The following CDH13 variants were observed in gnomAD, a reference collection of about 807,000 sequenced individuals.
The protein encoded by CDH13 is cadherin-13.
In CDH13, 24 loss-of-function variants were observed where a neutral mutation model predicts 63.8. The ratio of observed to expected loss-of-function variants is 0.38; its 90% confidence interval spans 0.27 to 0.53. The LOEUF (loss-of-function observed/expected upper bound fraction) is 0.53. Ranked by LOEUF, CDH13 falls within the 20% of genes least tolerant of loss-of-function variation. The pLI is 0.85. For missense variants in CDH13, 1,049 were observed against 903.1 expected, an observed-to-expected ratio of 1.16 and a Z score of -2.07; for synonymous variants, 503 against 355.3, an observed-to-expected ratio of 1.42 and a Z score of -4.67.
At chr16:83,333,612 C>G (rs1482487285) in intron 5 of CDH13, among the ~76,000 whole-genome samples, 1 of 152,154 alleles carries the variant, frequency 6.6e-6, no homozygotes, top group African/African-American at 2.4e-5. Context: ...AGTATTTCTA[C>G]TTGCTGGGAA....
intron 10 of CDH13, among the ~76,000 whole-genome samples, chr16:83,712,102 C>G (rs1273761831): frequency 1.3e-5 from 2 of 152,114 alleles, no homozygotes; most frequent in Non-Finnish European, 2.9e-5. Flanking sequence ...TGACTAGGGC[C>G]CACTATAGTG....
At chr16:83,381,846 A>T (rs1043845673) in intron 6 of CDH13, among the ~76,000 whole-genome samples, 1 of 152,154 alleles carries the variant, frequency 6.6e-6, no homozygotes, top group Non-Finnish European at 1.5e-5. Context: ...AAGTCTAACA[A>T]GTTGCTCCTT....
At chr16:83,283,052 G>A (rs1402905720) in intron 5 of CDH13, among the ~76,000 whole-genome samples, 1 of 152,184 alleles carries the variant, frequency 6.6e-6, no homozygotes, top group African/African-American at 2.4e-5. Context: ...GTATTTAGAA[G>A]AAGAAAAGTT....
chr16:83,653,280 T>C (rs1912561544), intron 8 of CDH13, among the ~76,000 whole-genome samples: 1 of 152,180 alleles, frequency 6.6e-6, no homozygotes, highest in African/African-American at 2.4e-5. Context: ...TATGTACAAT[T>C]TAAATTGATG....
intron 7 of CDH13, among the ~76,000 whole-genome samples, chr16:83,566,058 G>A (rs1904277723): frequency 6.6e-6 from 1 of 152,184 alleles, no homozygotes; most frequent in South Asian, 2.1e-4. Flanking sequence ...ACAGAACTGT[G>A]TTCATCCGTC....
At chr16:83,303,317 C>T (rs375955189) in intron 5 of CDH13, among the ~76,000 whole-genome samples, 2 of 152,278 alleles carry the variant, frequency 1.3e-5, no homozygotes, top group South Asian at 2.1e-4. Flanking sequence ...AGGATGATCA[C>T]GCAATAACCC....
At chr16:83,451,066 G>A (rs193103410) in intron 6 of CDH13, among the ~76,000 whole-genome samples, 579 of 152,274 alleles carry the variant, frequency 3.8e-3, no homozygotes, top group Non-Finnish European at 4.3e-3. Flanking sequence ...GATGCTGCTG[G>A]TCTGGGGACC....
chr16:83,307,880 G>A (rs2089915079), intron 5 of CDH13, among the ~76,000 whole-genome samples: 1 of 152,158 alleles, frequency 6.6e-6, no homozygotes, highest in South Asian at 2.1e-4. Flanking sequence ...GAATATGGCA[G>A]CACTTCCATG....
At chr16:83,456,487 G>C (rs1489019250) in intron 6 of CDH13, among the ~76,000 whole-genome samples, 1 of 152,182 alleles carries the variant, frequency 6.6e-6, no homozygotes, top group African/African-American at 2.4e-5. Flanking sequence ...GGGGAACCCT[G>C]GGTTCAGGGG....
intron 1 of CDH13, chr16:82,719,484 C>A: frequency 2.2e-6 from 1 of 455,388 alleles, no homozygotes; most frequent in Non-Finnish European, 4.4e-6. Flanking sequence ...TCGTAAGTTA[C>A]ATGAGATGTG....
chr16:82,850,904 A>G (rs2039454309), intron 1 of CDH13, among the ~76,000 whole-genome samples: 1 of 152,256 alleles, frequency 6.6e-6, no homozygotes, highest in South Asian at 2.1e-4. Context: ...ATGCTATTGC[A>G]TACTTAATAG....
At chr16:83,598,939 C>G (rs1213977457) in intron 7 of CDH13, among the ~76,000 whole-genome samples, 1 of 152,166 alleles carries the variant, frequency 6.6e-6, no homozygotes, top group East Asian at 1.9e-4. Context: ...GAATTTCACT[C>G]CCAGGGTGGA....
At chr16:83,103,596 A>T (rs915379343) in intron 3 of CDH13, among the ~76,000 whole-genome samples, 1 of 152,122 alleles carries the variant, frequency 6.6e-6, no homozygotes, top group Non-Finnish European at 1.5e-5. Context: ...TAAGAGGTAG[A>T]GTGGGTGATG....
intron 1 of CDH13, among the ~76,000 whole-genome samples, chr16:82,786,125 C>G (rs549642005): frequency 6.6e-6 from 1 of 152,054 alleles, no homozygotes. Context: ...TAGGGTGGAG[C>G]AGGTGATCAG....
intron 7 of CDH13, among the ~76,000 whole-genome samples, chr16:83,500,567 C>A (rs1442395264): frequency 2.8e-5 from 1 of 36,090 alleles, no homozygotes; most frequent in Non-Finnish European, 4.8e-5. Context: ...CTCCCTCCTC[C>A]TCCCTCCTCC....
intron 5 of CDH13, among the ~76,000 whole-genome samples, chr16:83,332,470 T>TA (rs924490689): frequency 6.6e-5 from 10 of 152,028 alleles, no homozygotes; most frequent in African/African-American, 2.2e-4. Flanking sequence ...ACTGTAAACT[T>TA]AAAAAAAAGG....
chr16:83,237,465 C>G (rs903753693), intron 5 of CDH13, among the ~76,000 whole-genome samples: 1 of 152,214 alleles, frequency 6.6e-6, no homozygotes, highest in African/African-American at 2.4e-5. Flanking sequence ...ATAACTGCAC[C>G]GTCCAATAAG....
chr16:83,240,717 C>CTTTTTTTTT (rs56753707), intron 5 of CDH13, among the ~76,000 whole-genome samples: 3 of 81,666 alleles, frequency 3.7e-5, no homozygotes, highest in African/African-American at 5.6e-5. Context: ...CTGTCTTAAT[C>CTTTTTTTTT]TTTTTTTTTT....
rs557339365 is a variant in CDH13 at position 82,786,671 on chromosome 16, C to T, written c.46-71691C>T. 1.8e-4 allele frequency among the ~76,000 whole-genome samples: 22 copies of T among 121,882 alleles called. No homozygotes were observed. In the South Asian group the frequency reaches 2.2e-3, roughly 12 times the overall value. The allele number at this position is 121,882 out of a possible 152,430, so 80.0% of individuals were successfully genotyped here. A position where few individuals can be genotyped will look rare whatever the true frequency, so the allele number is the denominator to read the frequency against. On this transcript the variant is annotated intron_variant, in intron 1 of 13. Coordinates refer to ENST00000567109, the MANE Select transcript of CDH13 (RefSeq NM_001257.5). ...CCCTCCCCCTCCCCCCACCCCACAA[C>T]AGGGCCCAGTGTGTGATGTTCCCCA...
Sources: gnomAD v4.1 joint callset for allele counts (sites outside exome capture counted in the v4.1 genomes callset) on GRCh38, gnomAD v4.1.1 for gene constraint, MANE v1.5 for transcripts, NCBI Gene and HGNC (gene_info 2026-07-23, HGNC 2026-07-21) for gene names.